Variants in GRIK1 observed in about 807,000 individuals in gnomAD.
The protein encoded by GRIK1 is glutamate ionotropic receptor kainate type subunit 1.
Under a neutral mutation model 105.7 loss-of-function variants are expected in GRIK1, and 69 were observed. The ratio of observed to expected loss-of-function variants is 0.65; its 90% confidence interval spans 0.54 to 0.80. GRIK1 has a LOEUF of 0.80. Ranked by LOEUF, GRIK1 falls within the 30% of genes least tolerant of loss-of-function variation. The probability of loss-of-function intolerance (pLI) is 0.00; values close to 1 mark genes in which losing one functional copy is unlikely to be tolerated. For missense variants in GRIK1, 1,109 were observed against 1,167.3 expected, an observed-to-expected ratio of 0.95 and a Z score of 0.73; for synonymous variants, 438 against 431.3, an observed-to-expected ratio of 1.02 and a Z score of -0.19.
At chr21:29,636,244 T>A (rs1357461139) in intron 7 of GRIK1, among the ~76,000 whole-genome samples, 1 of 152,214 alleles carries the variant, frequency 6.6e-6, no homozygotes, top group East Asian at 1.9e-4. Flanking sequence ...GGACTTTTGA[T>A]TAATATCTTA....
At chr21:29,707,394 A>C (rs1394474715) in intron 1 of GRIK1, among the ~76,000 whole-genome samples, 1 of 113,208 alleles carries the variant, frequency 8.8e-6, no homozygotes. Flanking sequence ...GAAATAGTTA[A>C]GATGACTCTA....
intron 1 of GRIK1, among the ~76,000 whole-genome samples, chr21:29,848,044 G>A (rs2068180553): frequency 2.1e-5 from 3 of 142,738 alleles, no homozygotes; most frequent in Non-Finnish European, 3.1e-5. Context: ...AGGGTTAAAC[G>A]TAAGTTATTA....
intron 9 of GRIK1, among the ~76,000 whole-genome samples, chr21:29,595,502 GA>G (rs2061395933): frequency 6.7e-6 from 1 of 148,434 alleles, no homozygotes; most frequent in Non-Finnish European, 1.5e-5. Flanking sequence ...AACTTAAAAA[GA>G]AAAAATTTTT....
At chr21:29,643,170 A>G (rs1030322326) in intron 6 of GRIK1, among the ~76,000 whole-genome samples, 1 of 152,000 alleles carries the variant, frequency 6.6e-6, no homozygotes, top group African/African-American at 2.4e-5. Context: ...TTGAAGTTAT[A>G]ACTCTGCTTC....
chr21:29,770,125 T>G (rs16984931), intron 1 of GRIK1, among the ~76,000 whole-genome samples: 1,616 of 152,316 alleles, frequency 0.011, 51 homozygotes, highest in Admixed American at 0.072. Flanking sequence ...TAGTTCTTCT[T>G]TCAACTGATA....
chr21:29,862,665 T>C (rs2068684047), intron 1 of GRIK1, among the ~76,000 whole-genome samples: 1 of 152,206 alleles, frequency 6.6e-6, no homozygotes, highest in Non-Finnish European at 1.5e-5. Context: ...AGGTGTAACT[T>C]ATGTTCTTTG....
intron 7 of GRIK1, among the ~76,000 whole-genome samples, chr21:29,607,964 G>A (rs2061655407): frequency 6.6e-6 from 1 of 152,006 alleles, no homozygotes; most frequent in East Asian, 1.9e-4. Flanking sequence ...TTTCTATTAC[G>A]TTTCAGATCG....
chr21:29,920,513 G>A (rs919007517), intron 1 of GRIK1, among the ~76,000 whole-genome samples: 1 of 151,876 alleles, frequency 6.6e-6, no homozygotes, highest in Non-Finnish European at 1.5e-5. Context: ...TAACCTTGTC[G>A]GTTTTTCCCA....
intron 14 of GRIK1, among the ~76,000 whole-genome samples, chr21:29,565,277 G>A (rs1400893321): frequency 6.6e-6 from 1 of 152,180 alleles, no homozygotes; most frequent in African/African-American, 2.4e-5. Flanking sequence ...TGCTGTTGTG[G>A]GGCTTTATTG....
At chr21:29,572,407 C>T (rs1568832652) in intron 14 of GRIK1, among the ~76,000 whole-genome samples, 1 of 152,030 alleles carries the variant, frequency 6.6e-6, no homozygotes, top group Non-Finnish European at 1.5e-5. Flanking sequence ...TATCCATCCA[C>T]CTCTCTCCCT....
intron 1 of GRIK1, among the ~76,000 whole-genome samples, chr21:29,926,464 T>C (rs899213555): frequency 9.9e-5 from 15 of 152,204 alleles, no homozygotes; most frequent in African/African-American, 3.6e-4. Context: ...AAAACAGCAC[T>C]GAGAAGAAGG....
rs1365071820 is a variant in GRIK1, at chr21:29,834,791, AATG to A, written c.118+104589_118+104591del. ...TATTAATTAATATTCATCCAATATT[AATG>A]ATTTTATTTATTCAATATTAATATT... On this transcript the variant is annotated intron_variant, in intron 1 of 17. Coordinates refer to ENST00000327783, the MANE Select transcript of GRIK1 (RefSeq NM_001330994.2). 6.0e-5 allele frequency among the ~76,000 whole-genome samples: 9 copies of A among 148,998 alleles called. No homozygotes were observed. The East Asian group carries it at 1.7e-3, about 29-fold the overall frequency.
chr21:29,812,933 T>G (rs1165429539), intron 1 of GRIK1, among the ~76,000 whole-genome samples: 1 of 152,170 alleles, frequency 6.6e-6, no homozygotes, highest in African/African-American at 2.4e-5. Flanking sequence ...GAATAGGGTT[T>G]TTTAATGCTA....
At chr21:29,923,678 A>C (rs560580667) in intron 1 of GRIK1, among the ~76,000 whole-genome samples, 4 of 152,206 alleles carry the variant, frequency 2.6e-5, no homozygotes, top group African/African-American at 7.2e-5. Flanking sequence ...TCTTAAGCCC[A>C]TGGTAGTACT....
chr21:29,746,333 C>T (rs941609102), intron 1 of GRIK1, among the ~76,000 whole-genome samples: 1 of 152,126 alleles, frequency 6.6e-6, no homozygotes, highest in Non-Finnish European at 1.5e-5. Context: ...TGCCTATGTG[C>T]CAAGCCCTTG....
chr21:29,805,807 G>C (rs1052481033), intron 1 of GRIK1, among the ~76,000 whole-genome samples: 38 of 152,146 alleles, frequency 2.5e-4, no homozygotes, highest in African/African-American at 7.2e-4. Flanking sequence ...ACAGTCAAGA[G>C]ACCAGAGTTG....
chr21:29,762,239 T>C (rs528321196), intron 1 of GRIK1, among the ~76,000 whole-genome samples: 1 of 152,368 alleles, frequency 6.6e-6, no homozygotes, highest in African/African-American at 2.4e-5. Flanking sequence ...TAAATGTCAG[T>C]CTGCATGTCT....
chr21:29,776,788 T>C (rs1393553952), intron 1 of GRIK1, among the ~76,000 whole-genome samples: 2 of 152,220 alleles, frequency 1.3e-5, no homozygotes, highest in Non-Finnish European at 1.5e-5. Context: ...TAGCCAGTAA[T>C]CTTTTGCCAG....
chr21:29,584,158 G>T (rs2091080825), intron 12 of GRIK1, among the ~76,000 whole-genome samples: 1 of 152,128 alleles, frequency 6.6e-6, no homozygotes, highest in East Asian at 1.9e-4. Flanking sequence ...CTAATTAAGG[G>T]ACTAATTTTT....
Sources: allele counts gnomAD v4.1 joint callset (sites outside exome capture counted in the v4.1 genomes callset), GRCh38; gene constraint gnomAD v4.1.1; transcripts MANE v1.5; gene names NCBI Gene and HGNC (gene_info 2026-07-23, HGNC 2026-07-21).